SPTLC1: variants seen among roughly 807,000 people sequenced by gnomAD.
SPTLC1 encodes the protein serine palmitoyltransferase 1.
A neutral mutation model predicts 68.9 loss-of-function variants in SPTLC1; 55 were observed. The observed-to-expected ratio is 0.80, with a 90% CI of 0.64 to 1.00. The LOEUF (loss-of-function observed/expected upper bound fraction) is 1.00. Among genes scored for constraint, SPTLC1 ranks in the 50% least tolerant of loss-of-function variants. The pLI is 0.00. For missense variants in SPTLC1, 449 were observed against 573.1 expected (o/e 0.78, Z 2.21); for synonymous variants, 197 against 201.6 (o/e 0.98, Z 0.19).
At chr9:92,112,943 A>G (rs1482347589) in intron 1 of SPTLC1, among the ~76,000 whole-genome samples, 1 of 152,114 alleles carries the variant, frequency 6.6e-6, no homozygotes, top group Non-Finnish European at 1.5e-5. Flanking sequence ...CCCTGTCTCT[A>G]TTAAAAATAC....
At chr9:92,079,030 T>C (rs1834781654) in intron 5 of SPTLC1, 6 of 965,048 alleles carry the variant, frequency 6.2e-6, no homozygotes, top group Non-Finnish European at 7.4e-6. Flanking sequence ...TGTGTCATTT[T>C]ATAAGCCAAA....
intron 3 of SPTLC1, among the ~76,000 whole-genome samples, chr9:92,082,520 G>A (rs1834924953): frequency 6.6e-6 from 1 of 150,836 alleles, no homozygotes; most frequent in South Asian, 2.1e-4. Flanking sequence ...ATAGTTTACT[G>A]AGAATGATGA....
intron 12 of SPTLC1, among the ~76,000 whole-genome samples, chr9:92,038,877 T>C (rs1833244616): frequency 1.3e-5 from 2 of 152,256 alleles, no homozygotes; most frequent in Non-Finnish European, 2.9e-5. Context: ...TTATGCTTCC[T>C]TGCTTATTAT....
chr9:92,064,232 T>C (rs548205711), intron 6 of SPTLC1, among the ~76,000 whole-genome samples: 2 of 152,250 alleles, frequency 1.3e-5, no homozygotes, highest in African/African-American at 2.4e-5. Context: ...AAATTTGTAT[T>C]TGCAAACCAC....
chr9:92,055,584 A>T, intron 7 of SPTLC1, 90 bp from the exon 8 acceptor site: 1 of 1,267,014 alleles, frequency 7.9e-7, no homozygotes, highest in East Asian at 2.4e-5. Context: ...ACCTTACAAG[A>T]TTTATTCCTA....
At chr9:92,077,384 C>T (rs1390015021) in intron 5 of SPTLC1, among the ~76,000 whole-genome samples, 1 of 152,096 alleles carries the variant, frequency 6.6e-6, no homozygotes, top group African/African-American at 2.4e-5. Context: ...AACCTGACCC[C>T]TCAAACTCTA....
At chr9:92,088,058 G>T (rs149992541) in intron 3 of SPTLC1, among the ~76,000 whole-genome samples, 2,679 of 152,360 alleles carry the variant, frequency 0.018, 67 homozygotes, top group African/African-American at 0.06. Flanking sequence ...GCCAGGTGAG[G>T]GATATAATCT....
intron 3 of SPTLC1, among the ~76,000 whole-genome samples, chr9:92,099,782 C>T (rs1183462288): frequency 6.6e-6 from 1 of 151,992 alleles, no homozygotes; most frequent in Non-Finnish European, 1.5e-5. Context: ...ATGCCTGGCC[C>T]TATTGTACCT....
At chr9:92,103,441 CTG>C (rs1181918238) in intron 3 of SPTLC1, among the ~76,000 whole-genome samples, 1 of 152,226 alleles carries the variant, frequency 6.6e-6, no homozygotes, top group Non-Finnish European at 1.5e-5. Flanking sequence ...AGAATAGATG[CTG>C]TATCCATGAT....
chr9:92,092,093 C>G (rs544236390), intron 3 of SPTLC1, among the ~76,000 whole-genome samples: 2 of 152,188 alleles, frequency 1.3e-5, no homozygotes, highest in Admixed American at 6.5e-5. Flanking sequence ...CATTTACATA[C>G]CAGACAGAAA....
chr9:92,110,005 C>T (rs1836166374), intron 2 of SPTLC1: 1 of 152,164 alleles, frequency 6.6e-6, no homozygotes, highest in Admixed American at 6.6e-5. Flanking sequence ...CATCCAACCA[C>T]CATTTTGGCT....
intron 12 of SPTLC1, chr9:92,038,595 A>T: frequency 5.6e-6 from 3 of 539,528 alleles, no homozygotes; most frequent in Non-Finnish European, 1.0e-5. Flanking sequence ...TGAGTGCAGG[A>T]CCGGGTCTCA....
At chr9:92,056,805 T>C (rs75513195) in intron 7 of SPTLC1, among the ~76,000 whole-genome samples, 3,422 of 152,270 alleles carry the variant, frequency 0.022, 118 homozygotes, top group African/African-American at 0.079. Flanking sequence ...AAAAAAAAGT[T>C]TGTTGAGGAA....
intron 8 of SPTLC1, chr9:92,055,051 C>G (rs550174967): frequency 5.8e-6 from 1 of 172,286 alleles, no homozygotes; most frequent in African/African-American, 2.4e-5. Flanking sequence ...GCAGTGAGAC[C>G]CCTACTCCAC....
At position 92,074,740 on chromosome 9, in the gene SPTLC1, G is replaced by A. The variant is rs139499344; in HGVS notation, c.427+5276C>T. On this transcript the variant is annotated intron_variant, in intron 5 of 14. Transcript: ENST00000262554. ...TTCAAAAACCAGATAAATCCTACAGGCTAGTCCAAGACCTTCGTTTCATCA... is the reference window on the plus strand; with the variant it reads ...TTCAAAAACCAGATAAATCCTACAGACTAGTCCAAGACCTTCGTTTCATCA... Among the ~76,000 whole-genome samples the A allele has an allele frequency of 1.1e-4, 16 of 152,100 alleles. No homozygotes were observed. The East Asian group carries it at 3.1e-3, about 29-fold the overall frequency.
intron 3 of SPTLC1, among the ~76,000 whole-genome samples, chr9:92,100,631 G>A (rs1157404868): frequency 6.6e-6 from 1 of 151,954 alleles, no homozygotes; most frequent in East Asian, 1.9e-4. Flanking sequence ...ACAGCTAGGC[G>A]AGTGTTTCCA....
chr9:92,096,952 T>C (rs1466222839), intron 3 of SPTLC1, among the ~76,000 whole-genome samples: 1 of 152,026 alleles, frequency 6.6e-6, no homozygotes, highest in Non-Finnish European at 1.5e-5. Flanking sequence ...ATTCAAAATA[T>C]ATAAAGAACT....
intron 2 of SPTLC1, 130 bp from the exon 3 acceptor site, chr9:92,108,964 A>C: frequency 7.1e-7 from 1 of 1,404,472 alleles, no homozygotes; most frequent in East Asian, 2.5e-5. Flanking sequence ...ACTCTTATTC[A>C]AGCTTATGTC....
intron 12 of SPTLC1, among the ~76,000 whole-genome samples, chr9:92,039,996 C>T (rs529626236): frequency 3.3e-5 from 5 of 152,172 alleles, no homozygotes; most frequent in African/African-American, 1.2e-4. Context: ...AACCCATTTC[C>T]TGTGTAAATT....
Sources: allele counts gnomAD v4.1 joint callset (sites outside exome capture counted in the v4.1 genomes callset), GRCh38; gene constraint gnomAD v4.1.1; transcripts MANE v1.5; gene names NCBI Gene and HGNC (gene_info 2026-07-23, HGNC 2026-07-21).